The following ELAVL4 variants were observed in gnomAD, a reference collection of about 807,000 sequenced individuals.
ELAVL4 encodes the protein ELAV-like protein 4.
A neutral mutation model predicts 35.6 loss-of-function variants in ELAVL4; 1 was observed. The ratio of observed to expected loss-of-function variants is 0.03; its 90% CI spans 0.01 to 0.13. The LOEUF is 0.13. ELAVL4 is among the 10% of genes least tolerant of loss of function. The pLI is 1.00. For synonymous variants in ELAVL4, 156 were observed against 171.0 expected (o/e 0.91, Z 0.69); for missense variants, 267 against 464.9 (o/e 0.57, Z 3.91).
intron 3 of ELAVL4, among the ~76,000 whole-genome samples, chr1:50,179,100 G>T (rs180947906): frequency 6.6e-6 from 1 of 152,092 alleles, no homozygotes. Context: ...TTAGAGACAA[G>T]GATCATTGAT....
intron 2 of ELAVL4, among the ~76,000 whole-genome samples, chr1:50,170,358 T>A (rs1158616910): frequency 6.6e-6 from 1 of 152,104 alleles, no homozygotes; most frequent in Non-Finnish European, 1.5e-5. Context: ...CAAAAAGAAA[T>A]AGCATATACC....
upstream of ELAVL4, chr1:50,106,330 T>A (rs999362212): frequency 1.2e-6 from 2 of 1,613,726 alleles, no homozygotes; most frequent in Non-Finnish European, 1.7e-6. Context: ...AGGGGCTGAC[T>A]GATATGAGAT....
chr1:50,192,381 A>G (rs1682783124), intron 3 of ELAVL4, among the ~76,000 whole-genome samples: 1 of 152,128 alleles, frequency 6.6e-6, no homozygotes, highest in South Asian at 2.1e-4. Flanking sequence ...CTCATCCTTC[A>G]TCTTCTTTGC....
At chr1:50,119,773 C>T (rs1668709591) in intron 1 of ELAVL4, among the ~76,000 whole-genome samples, 1 of 151,914 alleles carries the variant, frequency 6.6e-6, no homozygotes, top group Non-Finnish European at 1.5e-5. Flanking sequence ...CTGCTTGTAA[C>T]AGATCTGTGA....
At chr1:50,057,163 A>T (rs1008072510) in intron 1 of ELAVL4, among the ~76,000 whole-genome samples, 10 of 151,930 alleles carry the variant, frequency 6.6e-5, no homozygotes, top group Non-Finnish European at 1.5e-4. Flanking sequence ...GTGCATTCTT[A>T]TCTTCATTTT....
intron 1 of ELAVL4, among the ~76,000 whole-genome samples, chr1:50,131,173 T>C (rs1670790246): frequency 6.6e-6 from 1 of 152,172 alleles, no homozygotes; most frequent in Non-Finnish European, 1.5e-5. Context: ...TATCATATAC[T>C]AAATATTCTT....
chr1:50,141,015 AG>A (rs962161621), intron 1 of ELAVL4, among the ~76,000 whole-genome samples: 6 of 152,206 alleles, frequency 3.9e-5, no homozygotes, highest in Admixed American at 6.5e-5. Flanking sequence ...AATGCAAGGA[AG>A]GCCACAAAGC....
chr1:50,095,340 C>T (rs1665676147), intron 1 of ELAVL4, among the ~76,000 whole-genome samples: 1 of 151,894 alleles, frequency 6.6e-6, no homozygotes, highest in Non-Finnish European at 1.5e-5. Flanking sequence ...ACCCTTCCCC[C>T]AACTAGGAGA....
intron 1 of ELAVL4, among the ~76,000 whole-genome samples, chr1:50,053,142 G>T (rs1663477760): frequency 6.6e-6 from 1 of 152,038 alleles, no homozygotes; most frequent in Non-Finnish European, 1.5e-5. Context: ...ACTTTTCATT[G>T]TAATGAAGGT....
At chr1:50,139,200 T>C (rs1008431289) in intron 1 of ELAVL4, among the ~76,000 whole-genome samples, 12 of 152,206 alleles carry the variant, frequency 7.9e-5, no homozygotes, top group African/African-American at 2.9e-4. Context: ...CTAATGGACA[T>C]GTAAGGACTT....
chr1:50,053,898 G>A lies in ELAVL4; in HGVS notation c.18+5716G>A, dbSNP rs1404765443. ...AGGATTGCAGTCTTGAATACAGTAG[G>A]CCTCACTGGTAAGTGATATTTGAAC... On this transcript the variant is annotated intron_variant, in intron 1 of 6. Coordinates refer to the ELAVL4 transcript ENST00000448907. 2.6e-5 allele frequency among the ~76,000 whole-genome samples: 4 copies of A among 152,178 alleles called. No individual in the cohort carries two copies. The East Asian group carries it at 7.7e-4, about 29-fold the overall frequency.
At chr1:50,171,956 G>A (rs748302545) in intron 2 of ELAVL4, among the ~76,000 whole-genome samples, 9 of 152,224 alleles carry the variant, frequency 5.9e-5, no homozygotes, top group Non-Finnish European at 1.2e-4. Context: ...GCCTGAACTA[G>A]GGGTTCTAAC....
chr1:50,193,994 G>A, intron 4 of ELAVL4, 76 bp downstream of exon 4: 1 of 1,545,994 alleles, frequency 6.5e-7, no homozygotes, highest in East Asian at 2.3e-5. Context: ...GCAGAAGGCT[G>A]ATGGCTGCTT....
chr1:50,160,496 C>G (rs1347387159), intron 2 of ELAVL4, among the ~76,000 whole-genome samples: 1 of 152,042 alleles, frequency 6.6e-6, no homozygotes, highest in South Asian at 2.1e-4. Context: ...GATGTTAGAA[C>G]ATGGTGGTGA....
chr1:50,083,778 G>A (rs1665113431), intron 1 of ELAVL4, among the ~76,000 whole-genome samples: 1 of 152,178 alleles, frequency 6.6e-6, no homozygotes, highest in South Asian at 2.1e-4. Flanking sequence ...ATTTTTAGAA[G>A]TTTCTGAAGA....
At chr1:50,116,368 A>G (rs1365510021) in intron 1 of ELAVL4, among the ~76,000 whole-genome samples, 1 of 151,286 alleles carries the variant, frequency 6.6e-6, no homozygotes. Flanking sequence ...AATCATAGTT[A>G]CTTTGTCATA....
chr1:50,052,509 C>A (rs1663439503), intron 1 of ELAVL4, among the ~76,000 whole-genome samples: 1 of 152,190 alleles, frequency 6.6e-6, no homozygotes, highest in African/African-American at 2.4e-5. Flanking sequence ...GTGATGGAAG[C>A]AGAAGGTTTG....
At chr1:50,086,188 T>G (rs1665232702) in intron 1 of ELAVL4, among the ~76,000 whole-genome samples, 1 of 152,124 alleles carries the variant, frequency 6.6e-6, no homozygotes, top group South Asian at 2.1e-4. Context: ...ATATTTTTCC[T>G]TGTTAATTGC....
chr1:50,157,731 A>G (rs942265061), intron 2 of ELAVL4, among the ~76,000 whole-genome samples: 9 of 152,240 alleles, frequency 5.9e-5, no homozygotes, highest in African/African-American at 1.9e-4. Context: ...ATCATTCAGA[A>G]TGAACTAACA....
Sources: gnomAD v4.1 joint callset for allele counts (sites outside exome capture counted in the v4.1 genomes callset) on GRCh38, gnomAD v4.1.1 for gene constraint, MANE v1.5 for transcripts, NCBI Gene and HGNC (gene_info 2026-07-23, HGNC 2026-07-21) for gene names.